Variants in RELL1 observed in about 807,000 individuals in gnomAD.
The protein encoded by RELL1 is RELT-like protein 1.
Under a neutral mutation model 23.0 loss-of-function variants are expected in RELL1, and 10 were observed. The observed-to-expected ratio is 0.43, with a 90% CI of 0.27 to 0.74. The LOEUF (loss-of-function observed/expected upper bound fraction) is 0.74, where lower values mean the gene tolerates loss of function less well. Among genes scored for constraint, RELL1 ranks in the 30% least tolerant of loss-of-function variants. The pLI is 0.19. For missense variants in RELL1, 315 were observed against 364.4 expected (o/e 0.86, Z 1.10); for synonymous variants, 146 against 146.8 (o/e 0.99, Z 0.04).
intron 3 of RELL1, among the ~76,000 whole-genome samples, chr4:37,646,792 A>C (rs3849015): frequency 0.32 from 47,973 of 151,884 alleles, 7,762 homozygotes; most frequent in Non-Finnish European, 0.37. Flanking sequence ...CAGTGGTGTG[A>C]TCACAGCTCA....
chr4:37,609,623 AT>A (rs1719314747), downstream of RELL1, among the ~76,000 whole-genome samples: 1 of 152,230 alleles, frequency 6.6e-6, no homozygotes, highest in South Asian at 2.1e-4. Context: ...CATTAAGAAC[AT>A]TTTTGATTCA....
chr4:37,614,634 G>A (rs1290454268), intron 6 of RELL1, among the ~76,000 whole-genome samples: 1 of 149,336 alleles, frequency 6.7e-6, no homozygotes, highest in Non-Finnish European at 1.5e-5. Context: ...GGGGAAAAAA[G>A]GTAGAAAGGC....
At chr4:37,608,331 C>G (rs1350611277), downstream of RELL1, among the ~76,000 whole-genome samples, 1 of 152,076 alleles carries the variant, frequency 6.6e-6, no homozygotes, top group Non-Finnish European at 1.5e-5. Context: ...GCCTCCTGTA[C>G]CAAATAGTTA....
chr4:37,632,839 A>G (rs1469588405), intron 5 of RELL1, among the ~76,000 whole-genome samples: 1 of 152,360 alleles, frequency 6.6e-6, no homozygotes, highest in Admixed American at 6.5e-5. Context: ...ACCAAATCCT[A>G]GAGTCTTTCA....
intron 1 of RELL1, among the ~76,000 whole-genome samples, chr4:37,669,455 A>G (rs1721728881): frequency 6.6e-6 from 1 of 150,566 alleles, no homozygotes; most frequent in East Asian, 2.0e-4. Context: ...CCGGGAGGTG[A>G]GGGGCGCCTC....
chr4:37,604,870 C>CACACACATACAG (rs1560323871), intron 6 of RELL1, among the ~76,000 whole-genome samples: 1 of 137,946 alleles, frequency 7.2e-6, no homozygotes, highest in African/African-American at 2.8e-5. Flanking sequence ...CACACAGACA[C>CACACACATACAG]ACACACACAT....
At chr4:37,677,966 C>A (rs1020990896) in intron 1 of RELL1, among the ~76,000 whole-genome samples, 1 of 152,130 alleles carries the variant, frequency 6.6e-6, no homozygotes, top group East Asian at 1.9e-4. Context: ...CAGAACAAGA[C>A]CTTGTCCCCC....
At chr4:37,650,327 G>A (rs1025433010) in intron 1 of RELL1, among the ~76,000 whole-genome samples, 4 of 152,178 alleles carry the variant, frequency 2.6e-5, no homozygotes, top group African/African-American at 9.7e-5. Flanking sequence ...AAATGGAAGT[G>A]AGTGCACTTG....
At chr4:37,678,083 G>C (rs1362295640) in intron 1 of RELL1, among the ~76,000 whole-genome samples, 3 of 152,286 alleles carry the variant, frequency 2.0e-5, no homozygotes, top group Middle Eastern at 3.4e-3. Flanking sequence ...TCTGCTTCTG[G>C]GGAGGCCTCA....
chr4:37,634,822 G>T, intron 5 of RELL1, 65 bp downstream of exon 5: 2 of 1,301,436 alleles, frequency 1.5e-6, no homozygotes, highest in Non-Finnish European at 2.2e-6. Flanking sequence ...TGACAGGTAA[G>T]CAGAAGTCCA....
At chr4:37,634,739 G>A (rs17577536) in intron 5 of RELL1, 148 bp downstream of exon 5, 21,389 of 698,164 alleles carry the variant, frequency 0.031, 1,116 homozygotes, top group Admixed American at 0.14. Flanking sequence ...AAAAATCTAG[G>A]ACTCACACCA....
At position 37,646,341 on chromosome 4, in the gene RELL1, T is replaced by C. The variant is rs28592766; in HGVS notation, c.385+1027A>G. Reference sequence around the variant, plus strand: ...TTTCAGGGTGAAAAAATACTAAATTTCATAAAAGTTCAACTTTGTAAAAGT... The same window carrying C: ...TTTCAGGGTGAAAAAATACTAAATTCCATAAAAGTTCAACTTTGTAAAAGT... On this transcript the variant is annotated intron_variant, in intron 3 of 6. Coordinates refer to ENST00000454158, the MANE Select transcript of RELL1 (RefSeq NM_001085400.2). Among the ~76,000 whole-genome samples the C allele has an allele frequency of 6.7e-3, 1,018 of 152,306 alleles. 11 individuals are homozygous for C. The highest frequency in any genetic ancestry group is 0.023 in the African/African-American group (951 of 41,548).
chr4:37,673,191 T>TTTTTTC (rs1714306401), intron 1 of RELL1, among the ~76,000 whole-genome samples: 3 of 105,928 alleles, frequency 2.8e-5, no homozygotes, highest in Non-Finnish European at 4.0e-5. Flanking sequence ...TTTTTCTTTT[T>TTTTTTC]TTTTTTTTTT....
In RELL1 at chr4:37,649,441, C is replaced by T. The variant is rs117473040; in HGVS notation, c.148G>A (p.Asp50Asn). The T allele has an allele frequency of 1.6e-3, 2,553 of 1,614,200 alleles. 27 individuals are homozygous for T. In the East Asian group the frequency reaches 0.031, roughly 19 times the overall value. The stretch of plus-strand genomic sequence containing the variant: ...TATTCTGGGTGTCCATTCCCAGTAT[C>T]GTTGCTGGGCGACGGGGTCGTCTCT... ...RTETTPSPSN[D>N]TGNGHPEYIA... is the part of the protein sequence containing the mutation. The change falls in exon 2 of 7, where the codon GAT becomes AAT. Residue 50 changes from aspartate (D) to asparagine (N), a missense_variant. By Grantham distance (23) the Asp-to-Asn change is conservative. Coordinates refer to ENST00000454158, the MANE Select transcript of RELL1 (RefSeq NM_001085400.2).
At chr4:37,595,689 C>G (rs1181370840) in intron 6 of RELL1, among the ~76,000 whole-genome samples, 3 of 152,178 alleles carry the variant, frequency 2.0e-5, no homozygotes, top group African/African-American at 4.8e-5. Context: ...TCAGACTACC[C>G]TGCTCTATTT....
chr4:37,624,693 T>C (rs929889800), intron 6 of RELL1, among the ~76,000 whole-genome samples: 2 of 152,124 alleles, frequency 1.3e-5, no homozygotes, highest in African/African-American at 4.8e-5. Context: ...CCTCCCACAG[T>C]GCTGGGATTA....
intron 1 of RELL1, among the ~76,000 whole-genome samples, chr4:37,652,436 A>G (rs1323640981): frequency 6.6e-6 from 1 of 152,234 alleles, no homozygotes; most frequent in East Asian, 1.9e-4. Context: ...AACCAGAAAC[A>G]TTTATTTAAT....
chr4:37,627,170 T>C (rs1451901583), intron 6 of RELL1, among the ~76,000 whole-genome samples: 1 of 152,226 alleles, frequency 6.6e-6, no homozygotes, highest in Non-Finnish European at 1.5e-5. Flanking sequence ...TAAAATCTGA[T>C]TAATTTTCAA....
At chr4:37,662,289 A>G (rs1206709084) in intron 1 of RELL1, among the ~76,000 whole-genome samples, 1 of 152,234 alleles carries the variant, frequency 6.6e-6, no homozygotes, top group East Asian at 1.9e-4. Flanking sequence ...ATGCATTTCA[A>G]CTTACAATCT....
Sources: gnomAD v4.1 joint callset for allele counts (sites outside exome capture counted in the v4.1 genomes callset) on GRCh38, gnomAD v4.1.1 for gene constraint, MANE v1.5 for transcripts, NCBI Gene and HGNC (gene_info 2026-07-23, HGNC 2026-07-21) for gene names.